Variants in NRF1 observed in about 807,000 individuals in gnomAD.
NRF1 encodes nuclear respiratory factor 1.
In NRF1, 5 loss-of-function variants were observed where a neutral mutation model predicts 58.5. The observed-to-expected ratio is 0.09, with a 90% confidence interval of 0.04 to 0.18. The LOEUF is 0.18. Among genes scored for constraint, NRF1 ranks in the 10% least tolerant of loss-of-function variants. The pLI is 1.00. For synonymous variants in NRF1, 224 were observed against 246.7 expected, an observed-to-expected ratio of 0.91 and a Z score of 0.86; for missense variants, 288 against 657.7, an observed-to-expected ratio of 0.44 and a Z score of 6.15.
intron 5 of NRF1, among the ~76,000 whole-genome samples, chr7:129,705,192 C>T (rs989180208): frequency 3.3e-5 from 5 of 152,106 alleles, no homozygotes; most frequent in Non-Finnish European, 7.4e-5. Flanking sequence ...ATCTCAGCCT[C>T]TTCATTGACC....
At chr7:129,734,306 A>T (rs2116273636) in intron 10 of NRF1, among the ~76,000 whole-genome samples, 1 of 152,338 alleles carries the variant, frequency 6.6e-6, no homozygotes. Flanking sequence ...TCAGTAACTT[A>T]ACCAAGTTCA....
At chr7:129,697,510 T>C (rs1319873268) in intron 5 of NRF1, among the ~76,000 whole-genome samples, 2 of 149,204 alleles carry the variant, frequency 1.3e-5, no homozygotes, top group South Asian at 2.1e-4. Context: ...ATCACACCAC[T>C]GCACTCCAGC....
At chr7:129,670,836 C>T (rs776767824) in intron 2 of NRF1, among the ~76,000 whole-genome samples, 3 of 152,172 alleles carry the variant, frequency 2.0e-5, no homozygotes, top group Non-Finnish European at 4.4e-5. Context: ...ATGCCTTCAT[C>T]AACTTGACCT....
intron 1 of NRF1, among the ~76,000 whole-genome samples, chr7:129,629,897 A>G (rs1312622695): frequency 6.6e-6 from 1 of 152,198 alleles, no homozygotes; most frequent in Non-Finnish European, 1.5e-5. Flanking sequence ...CTTTTGCATC[A>G]TAAGTGTAAA....
rs368702964 is a variant in NRF1 at position 129,727,335 on chromosome 7, G to A, written c.1318G>A (p.Gly440Arg). The A allele has an allele frequency of 6.8e-6, 11 of 1,607,318 alleles. No individual in the cohort carries two copies. Among genetic ancestry groups the A allele is most frequent in the Non-Finnish European group, 5.9e-6 (7 of 1,177,892 alleles). The change falls in exon 10 of 11, where the codon GGA (glycine) becomes AGA (arginine). Residue 440 changes from glycine (G) to arginine (R), a missense_variant. Gly to Arg is a moderately radical substitution (Grantham distance 125). This residue lies in a region of NRF1 where 212 missense variants were observed against 559.7 expected (regional missense o/e 0.38). Coordinates refer to ENST00000393232, the MANE Select transcript of NRF1 (RefSeq NM_005011.5). ...VLSGETAAAVGALTGVQDANG... is the reference protein window; with the variant it reads ...VLSGETAAAVRALTGVQDANG... ...GTCTGGGGAAACCGCAGCAGCCGTC[G>A]GAGCACTTACTGGAGTCCAAGATGC...
intron 1 of NRF1, among the ~76,000 whole-genome samples, chr7:129,618,563 T>C (rs1190628206): frequency 6.6e-6 from 1 of 152,152 alleles, no homozygotes; most frequent in African/African-American, 2.4e-5. Context: ...GGTATAGTGG[T>C]AGCCACCTGT....
chr7:129,686,996 G>A (rs1032555070), intron 4 of NRF1, among the ~76,000 whole-genome samples: 1 of 152,128 alleles, frequency 6.6e-6, no homozygotes, highest in African/African-American at 2.4e-5. Flanking sequence ...TATTGAAAGA[G>A]CTCTTTCAAG....
chr7:129,651,419 C>A (rs1203995524), intron 1 of NRF1, among the ~76,000 whole-genome samples: 177 of 133,768 alleles, frequency 1.3e-3, no homozygotes, highest in Admixed American at 1.4e-3. Context: ...GACTCTGTCT[C>A]AAAAAAAAAA....
intron 1 of NRF1, among the ~76,000 whole-genome samples, chr7:129,623,903 T>G (rs1800859080): frequency 6.6e-6 from 1 of 152,228 alleles, no homozygotes; most frequent in African/African-American, 2.4e-5. Flanking sequence ...CTTCCAGACA[T>G]GGCGGGAGGT....
chr7:129,723,611 T>G (rs1427056625), intron 9 of NRF1, among the ~76,000 whole-genome samples: 1 of 152,070 alleles, frequency 6.6e-6, no homozygotes. Context: ...TCATGAAAAA[T>G]GTAAAGAACA....
At chr7:129,660,490 C>T (rs536430582) in intron 2 of NRF1, among the ~76,000 whole-genome samples, 3 of 150,944 alleles carry the variant, frequency 2.0e-5, no homozygotes, top group African/African-American at 7.4e-5. Flanking sequence ...AGTGGGGGTA[C>T]AGGGATTGGG....
At chr7:129,676,485 G>A (rs1399555960) in intron 3 of NRF1, among the ~76,000 whole-genome samples, 1 of 152,228 alleles carries the variant, frequency 6.6e-6, no homozygotes, top group African/African-American at 2.4e-5. Context: ...GGAACAGGAA[G>A]GCCTGAGGAG....
chr7:129,638,694 GT>G (rs1291610631), intron 1 of NRF1, among the ~76,000 whole-genome samples: 1 of 152,054 alleles, frequency 6.6e-6, no homozygotes, highest in African/African-American at 2.4e-5. Context: ...TTGGTGATTG[GT>G]TTTTTTAAAC....
rs1002736575 is a variant in NRF1 at position 129,756,117 on chromosome 7, G to C, written c.*936G>C. 1 of 153,114 alleles carries C rather than the reference G, an allele frequency of 6.5e-6. No individual in the cohort carries two copies. The highest frequency in any genetic ancestry group is 2.4e-5 in the African/African-American group (1 of 41,532). The allele number at this position is 153,114 out of a possible 1,614,324, so 9.5% of individuals were successfully genotyped here. On this transcript the variant is annotated 3_prime_UTR_variant, in exon 11 of 11. Coordinates refer to ENST00000393232, the MANE Select transcript of NRF1 (RefSeq NM_005011.5). Reference sequence around the variant, plus strand: ...GCTTGTGTGTGTGCGTGCATGGTGGGGGAGAGGATGGGAAGGGGGCGGGGG... The same window carrying C: ...GCTTGTGTGTGTGCGTGCATGGTGGCGGAGAGGATGGGAAGGGGGCGGGGG...
At chr7:129,743,901 A>G (rs1803906675) in intron 10 of NRF1, among the ~76,000 whole-genome samples, 1 of 152,204 alleles carries the variant, frequency 6.6e-6, no homozygotes, top group Admixed American at 6.5e-5. Context: ...GCTACAAGAA[A>G]ATCACATCAC....
rs757035741 is a variant in NRF1 at position 129,696,084 on chromosome 7, A to AAAAAC, written c.606+5540_606+5541insAACAA. Among the ~76,000 whole-genome samples, 36 of 110,936 alleles carry AAAAAC rather than the reference A, an allele frequency of 3.2e-4. 5 individuals carry two copies. Among genetic ancestry groups the AAAAAC allele is most frequent in the East Asian group, 1.5e-3 (5 of 3,246 alleles). The allele number at this position is 110,936 out of a possible 152,430, so 72.8% of individuals were successfully genotyped here. A position where few individuals can be genotyped will look rare whatever the true frequency, so the allele number is the denominator to read the frequency against. ...CTAAAAAAAAAAAAAAAAAAAAAAA[A>AAAAAC]AACAACCAAATTAGCCGGGCTTAGT... On this transcript the variant is annotated intron_variant, in intron 5 of 10. Transcript: ENST00000393232.
intron 1 of NRF1, among the ~76,000 whole-genome samples, chr7:129,656,723 C>T (rs1342976714): frequency 6.6e-6 from 1 of 152,062 alleles, no homozygotes; most frequent in Non-Finnish European, 1.5e-5. Flanking sequence ...TACAGGCGCC[C>T]ACCACCACGC....
chr7:129,706,767 G>GAA (rs1802959901), intron 5 of NRF1, among the ~76,000 whole-genome samples: 1 of 152,136 alleles, frequency 6.6e-6, no homozygotes, highest in African/African-American at 2.4e-5. Flanking sequence ...ACGTGACCCA[G>GAA]AACTGAGGAG....
chr7:129,617,412 C>G (rs1278386237), intron 1 of NRF1, among the ~76,000 whole-genome samples: 3 of 152,074 alleles, frequency 2.0e-5, no homozygotes, highest in African/African-American at 7.2e-5. Flanking sequence ...GCGCAGTGGA[C>G]TAGAAATGGG....
Sources: gnomAD v4.1 joint callset for allele counts (sites outside exome capture counted in the v4.1 genomes callset) on GRCh38, gnomAD v4.1.1 for gene constraint, gnomAD v4.1.1 regional missense constraint, MANE v1.5 for transcripts, NCBI Gene and HGNC (gene_info 2026-07-23, HGNC 2026-07-21) for gene names.